The following CEP350 variants were observed in gnomAD, a reference collection of about 807,000 sequenced individuals.
The protein encoded by CEP350 is centrosomal protein 350.
A neutral mutation model predicts 331.8 loss-of-function variants in CEP350; 126 were observed. The ratio of observed to expected loss-of-function variants is 0.38; its 90% confidence interval spans 0.33 to 0.44. The LOEUF (loss-of-function observed/expected upper bound fraction) is 0.44. Ranked by LOEUF, CEP350 falls within the 20% of genes least tolerant of loss-of-function variation. The pLI, the probability that CEP350 is intolerant of heterozygous loss-of-function variation, is 1.00. For synonymous variants in CEP350, 1,200 were observed against 1,259.5 expected (o/e 0.95, Z 1.00); for missense variants, 3,406 against 3,634.6 (o/e 0.94, Z 1.62).
Position 179,997,116 on chromosome 1 carries a change from A to G in CEP350, c.959A>G (p.Asn320Ser), listed in dbSNP as rs956492523. Residue 320 changes from asparagine to serine, a missense_variant, in exon 6 of 38, where the codon AAC becomes AGC. Around this residue, in one of 5 missense-constraint regions of CEP350, gnomAD observed 1,857 missense variants for 1,909.2 expected, o/e 0.97. Transcript: ENST00000367607. ...CCAGTAATGGTTGTTAATGTTGATA[A>G]CTCAGTAACAGCAAAAGTCAGAAAA... ...DHPVMVVNVD[N>S]SVTAKVRKVA... is the part of the protein sequence containing the mutation. 6.2e-7 allele frequency: 1 copy of G among 1,613,840 alleles called. No individual in the cohort carries two copies. The highest frequency in any genetic ancestry group is 8.5e-7 in the Non-Finnish European group (1 of 1,179,858).
intron 5 of CEP350, 43 bp from the exon 6 acceptor site, chr1:179,996,510 T>C (rs1305849659): frequency 2.9e-6 from 4 of 1,369,942 alleles, no homozygotes; most frequent in Non-Finnish European, 4.0e-6. Context: ...GTATACAATA[T>C]ATTATTAATC....
chr1:180,037,642 A>G (rs1304880846), intron 17 of CEP350, among the ~76,000 whole-genome samples: 1 of 151,710 alleles, frequency 6.6e-6, no homozygotes, highest in Non-Finnish European at 1.5e-5. Context: ...TACAATTTTG[A>G]TGAGTTTATT....
chr1:180,041,724 G>A lies in CEP350; in HGVS notation c.4284G>A (p.Gln1428=), dbSNP rs1287475214. 6.2e-7 allele frequency: 1 copy of A among 1,613,454 alleles called. No individual in the cohort carries two copies. Among genetic ancestry groups the A allele is most frequent in the Admixed American group, 1.7e-5 (1 of 59,920 alleles). ...QSQREVTEVL[Q]EATCKIAAQQ... is the part of the protein sequence containing the mutation. ...AACGGGAAGTAACTGAAGTCCTGCA[G>A]GAAGCAACGTGTAAAATAGCAGCTC... is the stretch of plus-strand genomic sequence containing the variant. Residue 1428 remains glutamine, a synonymous_variant, in exon 19 of 38, where the codon CAG becomes CAA. Coordinates refer to ENST00000367607, the MANE Select transcript of CEP350 (RefSeq NM_014810.5).
intron 1 of CEP350, among the ~76,000 whole-genome samples, chr1:179,955,541 T>C (rs1293490534): frequency 6.6e-6 from 1 of 152,198 alleles, no homozygotes; most frequent in Non-Finnish European, 1.5e-5. Flanking sequence ...CTGTTCCTTT[T>C]CAGTGGGGAT....
At chr1:180,012,774 T>C (rs1008265026) in intron 9 of CEP350, among the ~76,000 whole-genome samples, 21 of 152,234 alleles carry the variant, frequency 1.4e-4, no homozygotes, top group Non-Finnish European at 7.4e-5. Context: ...AATGTACATA[T>C]ACAATACTTT....
At position 179,996,647 on chromosome 1, in the gene CEP350, G is replaced by T. The variant is rs760764557; in HGVS notation, c.490G>T (p.Gly164Cys). ...VDVNEEKTES[G>C]NWMIGSREER... The stretch of plus-strand genomic sequence containing the variant: ...TGTTAATGAAGAAAAGACTGAGAGC[G>T]GTAACTGGATGATAGGCAGTCGAGA... Residue 164 changes from glycine to cysteine, a missense_variant, in exon 6 of 38, where the codon GGT becomes TGT. Around this residue, in one of 5 missense-constraint regions of CEP350, gnomAD observed 1,857 missense variants for 1,909.2 expected, o/e 0.97. Transcript: ENST00000367607. The T allele has an allele frequency of 3.1e-6, 5 of 1,612,396 alleles. No homozygotes were observed. The African/African-American group carries it at 5.4e-5, about 17-fold the overall frequency.
At chr1:179,992,549 T>C (rs1571832829) in intron 5 of CEP350, among the ~76,000 whole-genome samples, 1 of 152,224 alleles carries the variant, frequency 6.6e-6, no homozygotes. Context: ...TTGTTTCGTC[T>C]TAATATCTCA....
At chr1:179,989,157 A>G (rs1274530069) in intron 3 of CEP350, among the ~76,000 whole-genome samples, 1 of 152,108 alleles carries the variant, frequency 6.6e-6, no homozygotes, top group Non-Finnish European at 1.5e-5. Flanking sequence ...TTGGGATGCA[A>G]AAATCTGAAG....
rs1571819826 is a variant in CEP350 at position 179,986,064 on chromosome 1, C to A, written c.-13-105C>A. The A allele has an allele frequency of 5.7e-6, 5 of 869,836 alleles. No homozygotes were observed. The East Asian group carries it at 1.4e-4, about 24-fold the overall frequency. 53.9% of individuals were successfully genotyped at this position (869,836 alleles called of 1,614,324 possible). ...TGATAGTAGCTTGTCCTATTTACAT[C>A]CTAATGGGTGTGAAGTAGTCATAAT... On this transcript the variant is annotated intron_variant, in intron 1 of 37. Transcript: ENST00000367607.
intron 37 of CEP350, among the ~76,000 whole-genome samples, chr1:180,109,218 A>G (rs1392113940): frequency 6.6e-6 from 1 of 150,674 alleles, no homozygotes; most frequent in Non-Finnish European, 1.5e-5. Context: ...TCCCGGGTTC[A>G]AGCGATTCTC....
In CEP350 at chr1:180,037,574, C is replaced by T. The variant is rs545983918; in HGVS notation, c.4110+485C>T. On this transcript the variant is annotated intron_variant, in intron 17 of 37. Coordinates refer to ENST00000367607, the MANE Select transcript of CEP350 (RefSeq NM_014810.5). ...GTGGAGATGCTTTAAACAACAACAG[C>T]AACAAAAAAACCCCTGAGTTATTAT... Among the ~76,000 whole-genome samples the T allele has an allele frequency of 5.3e-5, 8 of 151,744 alleles. No individual in the cohort carries two copies. The South Asian group carries it at 1.7e-3, about 32-fold the overall frequency.
rs372856773 is a variant in CEP350 at position 180,041,199 on chromosome 1, C to T, written c.4172C>T (p.Ala1391Val). 8.1e-6 allele frequency: 13 copies of T among 1,598,220 alleles called. No homozygotes were observed. Among genetic ancestry groups the T allele is most frequent in the African/African-American group, 1.3e-5 (1 of 74,620 alleles). ...ALLKLKAEQE[A>V]LESQRQLEET... is the part of the protein sequence containing the mutation. ...TTGAAACTAAAGGCTGAACAAGAGG[C>T]TCTGGAGAGTCAGAGACAATTAGAA... Residue 1391 changes from alanine (A) to valine (V), a missense_variant, in exon 18 of 38, where the codon GCT becomes GTT. By Grantham distance (64) the Ala-to-Val change is moderately conservative. Around this residue, in one of 5 missense-constraint regions of CEP350, gnomAD observed 1,857 missense variants for 1,909.2 expected, o/e 0.97. Transcript: ENST00000367607.
Position 180,053,138 on chromosome 1 carries a change from C to G in CEP350, c.4961C>G (p.Pro1654Arg), listed in dbSNP as rs1347808952. 6.3e-7 allele frequency: 1 copy of G among 1,595,214 alleles called. No individual in the cohort carries two copies. Among genetic ancestry groups the G allele is most frequent in the Non-Finnish European group, 8.5e-7 (1 of 1,172,578 alleles). The part of the protein sequence containing the change: ...HHDDSDEEAS[P>R]EKTTLSTAKE... The stretch of plus-strand genomic sequence containing the variant: ...GATGACTCTGATGAAGAAGCTTCTC[C>G]AGAAAAAACTACACTGTCTACTGCC... Residue 1654 changes from proline to arginine, a missense_variant, in exon 23 of 38, where the codon CCA becomes CGA. Pro to Arg is a moderately radical substitution (Grantham distance 103, BLOSUM62 -2). Coordinates refer to ENST00000367607, the MANE Select transcript of CEP350 (RefSeq NM_014810.5).
At chr1:180,029,948 G>T (rs1229393205) in intron 14 of CEP350, among the ~76,000 whole-genome samples, 1 of 151,990 alleles carries the variant, frequency 6.6e-6, no homozygotes, top group Non-Finnish European at 1.5e-5. Context: ...ATTTCACTTA[G>T]CATAATGTCT....
chr1:179,984,415 C>A (rs899191394), intron 1 of CEP350, among the ~76,000 whole-genome samples: 1 of 152,184 alleles, frequency 6.6e-6, no homozygotes, highest in African/African-American at 2.4e-5. Flanking sequence ...TCTGGAGGAT[C>A]TACTTGCAAG....
rs2148917881 is a variant in CEP350 at position 180,041,242 on chromosome 1, A to C, written c.4215A>C (p.Ala1405=). The C allele has an allele frequency of 2.5e-6, 4 of 1,576,100 alleles. No homozygotes were observed. Among genetic ancestry groups the C allele is most frequent in the Non-Finnish European group, 3.4e-6 (4 of 1,162,920 alleles). ...QRQLEETRNK[A]AQVHAESLQQ... is the part of the protein sequence containing the mutation. ...AATTAGAAGAAACCCGAAACAAAGCAGCTCAGGTAACTTATTTTGCAGCAG... is the reference window on the plus strand; with the variant it reads ...AATTAGAAGAAACCCGAAACAAAGCCGCTCAGGTAACTTATTTTGCAGCAG... The change falls in exon 18 of 38, where the codon GCA becomes GCC. Residue 1405 remains alanine, a synonymous_variant. Transcript: ENST00000367607.
intron 32 of CEP350, among the ~76,000 whole-genome samples, chr1:180,089,235 A>G (rs1660030344): frequency 6.6e-6 from 1 of 152,210 alleles, no homozygotes; most frequent in Admixed American, 6.5e-5. Context: ...ACCTCAAGTA[A>G]GCAGTAGTAA....
chr1:180,008,597 A>C (rs1486607905), intron 8 of CEP350, among the ~76,000 whole-genome samples: 2 of 152,238 alleles, frequency 1.3e-5, no homozygotes, highest in South Asian at 2.1e-4. Context: ...AGACATTCTA[A>C]ATTCATTCAT....
intron 37 of CEP350, among the ~76,000 whole-genome samples, chr1:180,108,818 A>G (rs1176674481): frequency 1.3e-5 from 2 of 152,202 alleles, no homozygotes; most frequent in African/African-American, 4.8e-5. Flanking sequence ...CTTAAGTACA[A>G]TGTAACTCTC....
Sources: gnomAD v4.1 joint callset for allele counts (sites outside exome capture counted in the v4.1 genomes callset) on GRCh38, gnomAD v4.1.1 for gene constraint, gnomAD v4.1.1 regional missense constraint, MANE v1.5 for transcripts, NCBI Gene and HGNC (gene_info 2026-07-23, HGNC 2026-07-21) for gene names.